The following EPHB1 variants were observed in gnomAD, a reference collection of about 807,000 sequenced individuals.
EPHB1 encodes the protein EPH receptor B1.
EPHB1 carries 30 observed loss-of-function variants against 94.4 expected under a neutral mutation model. The ratio of observed to expected loss-of-function variants is 0.32; its 90% CI spans 0.24 to 0.43. The LOEUF (loss-of-function observed/expected upper bound fraction) is 0.43. Among genes scored for constraint, EPHB1 ranks in the 20% least tolerant of loss-of-function variants. The probability of loss-of-function intolerance (pLI) is 1.00; values close to 1 mark genes in which losing one functional copy is unlikely to be tolerated. For synonymous variants in EPHB1, 522 were observed against 489.1 expected, an observed-to-expected ratio of 1.07 and a Z score of -0.89; for missense variants, 1,055 against 1,308.3, an observed-to-expected ratio of 0.81 and a Z score of 2.99.
intron 3 of EPHB1, among the ~76,000 whole-genome samples, chr3:134,974,127 A>C (rs1254125106): frequency 6.6e-6 from 1 of 152,128 alleles, no homozygotes; most frequent in African/African-American, 2.4e-5. Context: ...GTGGTCTCTG[A>C]CCACACCCTA....
Position 134,857,121 on chromosome 3 carries a change from A to G in EPHB1, c.58+61432A>G, listed in dbSNP as rs141836565. On this transcript the variant is annotated intron_variant, in intron 1 of 15. Transcript: ENST00000398015. ...ATGCCAGAAAACCAGGGGAAGCCAA[A>G]TGAGCCAGCCTTGGGGGGCAGGGAG... 4.5e-3 allele frequency among the ~76,000 whole-genome samples: 686 copies of G among 152,306 alleles called. 6 individuals carry two copies. Among genetic ancestry groups the G allele is most frequent in the African/African-American group, 0.016 (652 of 41,570 alleles).
chr3:135,247,919 G>A (rs1010975408), intron 13 of EPHB1, among the ~76,000 whole-genome samples: 1 of 152,134 alleles, frequency 6.6e-6, no homozygotes, highest in African/African-American at 2.4e-5. Context: ...GGGTTCACTG[G>A]GTTTCCCATG....
chr3:134,932,237 A>G (rs1406962045), intron 2 of EPHB1, among the ~76,000 whole-genome samples: 4 of 152,166 alleles, frequency 2.6e-5, no homozygotes, highest in Non-Finnish European at 5.9e-5. Flanking sequence ...TACGAGCTAC[A>G]TGCCCATGAG....
Position 134,955,071 on chromosome 3 carries a change from CTTTTTTT to C in EPHB1, c.805+3045_805+3051del, listed in dbSNP as rs1197013147. 1.8e-3 allele frequency among the ~76,000 whole-genome samples: 15 copies of C among 8,416 alleles called. No homozygotes were observed. In the East Asian group the frequency reaches 0.024, roughly 13 times the overall value. The allele number at this position is 8,416 out of a possible 152,430, so 5.5% of individuals were successfully genotyped here. A position where few individuals can be genotyped will look rare whatever the true frequency, so the allele number is the denominator to read the frequency against. On this transcript the variant is annotated intron_variant, in intron 3 of 15. Transcript: ENST00000398015. ...CTAAGGCCTGTTCCTGACATCCTTT[CTTTTTTT>C]TTTTTTTTTTTTTTTTTTTTTTTTT...
rs551091756 is a variant in EPHB1, at chr3:134,969,538, A to G, written c.805+17486A>G. On this transcript the variant is annotated intron_variant, in intron 3 of 15. Transcript: ENST00000398015. ...CGCTAGTTTCTGTTTCTGATCTGTG[A>G]TGAAGGCCTTCATTTAAGGAAGACA... is the stretch of plus-strand genomic sequence containing the variant. Among the ~76,000 whole-genome samples, 45 of 152,246 alleles carry G rather than the reference A, an allele frequency of 3.0e-4. 1 individual carries two copies. In the South Asian group the frequency reaches 8.7e-3, roughly 29 times the overall value.
At chr3:135,041,760 T>G (rs1030270169) in intron 3 of EPHB1, among the ~76,000 whole-genome samples, 4 of 152,098 alleles carry the variant, frequency 2.6e-5, no homozygotes, top group Admixed American at 6.5e-5. Flanking sequence ...AAACAAAAAT[T>G]TGTTGACTCA....
chr3:135,238,431 C>T (rs532662071), intron 12 of EPHB1, among the ~76,000 whole-genome samples: 14 of 152,268 alleles, frequency 9.2e-5, no homozygotes, highest in African/African-American at 1.7e-4. Context: ...GGCTCCTTGC[C>T]GTGGGCCAGG....
In EPHB1 at chr3:135,220,783, G is replaced by A. The variant is rs1875373; in HGVS notation, c.2346+19094G>A. On this transcript the variant is annotated intron_variant, in intron 12 of 15. Coordinates refer to ENST00000398015, the MANE Select transcript of EPHB1 (RefSeq NM_004441.5). ...TGTCTGAGTGTTATCTATAAAATGC[G>A]AATTCACAGCCCACTTGTGCCTGAG... 7.3e-3 allele frequency among the ~76,000 whole-genome samples: 1,117 copies of A among 152,160 alleles called. 9 individuals carry two copies. Among genetic ancestry groups the A allele is most frequent in the African/African-American group, 0.025 (1,053 of 41,510 alleles).
chr3:135,103,115 A>T (rs1481386427), intron 3 of EPHB1, among the ~76,000 whole-genome samples: 5 of 152,160 alleles, frequency 3.3e-5, no homozygotes. Context: ...CACGTTCTGC[A>T]CATGTATCCC....
rs1250929225 is a variant in EPHB1 at position 135,077,892 on chromosome 3, G to T, written c.806-28556G>T. Among the ~76,000 whole-genome samples, 3 of 152,320 alleles carry T rather than the reference G, an allele frequency of 2.0e-5. No individual in the cohort carries two copies. The East Asian group carries it at 5.8e-4, about 29-fold the overall frequency. ...AAGGTTGATCTTTGCCATTGGTTTA[G>T]TTATTTACTTCCATGTATAAACAGC... On this transcript the variant is annotated intron_variant, in intron 3 of 15. Coordinates refer to ENST00000398015, the MANE Select transcript of EPHB1 (RefSeq NM_004441.5).
chr3:134,887,662 G>A (rs1293275883), intron 1 of EPHB1, among the ~76,000 whole-genome samples: 1 of 152,198 alleles, frequency 6.6e-6, no homozygotes, highest in Non-Finnish European at 1.5e-5. Context: ...TGTTTGGGGA[G>A]TGATGATAAA....
chr3:134,828,074 G>A (rs1230186164), intron 1 of EPHB1, among the ~76,000 whole-genome samples: 2 of 152,128 alleles, frequency 1.3e-5, no homozygotes, highest in Non-Finnish European at 2.9e-5. Flanking sequence ...TGAACTGCCT[G>A]GTCCATGGGT....
At chr3:135,007,707 C>A (rs558128942) in intron 3 of EPHB1, among the ~76,000 whole-genome samples, 1 of 152,230 alleles carries the variant, frequency 6.6e-6, no homozygotes, top group African/African-American at 2.4e-5. Flanking sequence ...ATAAAGAGCA[C>A]CTTCTCTTGG....
intron 1 of EPHB1, among the ~76,000 whole-genome samples, chr3:134,830,401 T>C (rs1002151159): frequency 1.3e-5 from 2 of 152,250 alleles, no homozygotes; most frequent in East Asian, 1.9e-4. Context: ...CAAAATGATA[T>C]TTCTTCTGAT....
intron 10 of EPHB1, among the ~76,000 whole-genome samples, chr3:135,185,085 T>G (rs1215396079): frequency 6.6e-6 from 1 of 152,244 alleles, no homozygotes; most frequent in Non-Finnish European, 1.5e-5. Flanking sequence ...CATTTGTATT[T>G]TCATGAATAA....
chr3:134,945,475 A>G (rs533596026), intron 2 of EPHB1, among the ~76,000 whole-genome samples: 1 of 152,292 alleles, frequency 6.6e-6, no homozygotes, highest in Non-Finnish European at 1.5e-5. Flanking sequence ...TTATCACTAC[A>G]ATTTTTAAAA....
At chr3:134,972,526 A>G (rs1338887892) in intron 3 of EPHB1, among the ~76,000 whole-genome samples, 1 of 91,992 alleles carries the variant, frequency 1.1e-5, no homozygotes, top group Non-Finnish European at 2.1e-5. Flanking sequence ...TTATATATTT[A>G]TTATAAATAT....
At chr3:135,157,110 A>T (rs893170843) in intron 6 of EPHB1, among the ~76,000 whole-genome samples, 1 of 152,250 alleles carries the variant, frequency 6.6e-6, no homozygotes, top group African/African-American at 2.4e-5. Context: ...TTTTAAAAGG[A>T]AAACAAAGAA....
At position 135,180,030 on chromosome 3, in the gene EPHB1, C is replaced by G; in HGVS notation, c.1882+48C>G. 2 of 1,609,024 alleles carry G rather than the reference C, an allele frequency of 1.2e-6. 1 individual carries two copies. The highest frequency in any genetic ancestry group is 4.5e-5 in the East Asian group (2 of 44,758). ...TTCTGTTCTCCTGGTGTCCAAACAT[C>G]TTCTTTCCACCACCCTAGATGGTCT... is the stretch of plus-strand genomic sequence containing the variant. On this transcript the variant is annotated intron_variant, in intron 10 of 15. Coordinates refer to ENST00000398015, the MANE Select transcript of EPHB1 (RefSeq NM_004441.5).
Sources: gnomAD v4.1 joint callset for allele counts (sites outside exome capture counted in the v4.1 genomes callset) on GRCh38, gnomAD v4.1.1 for gene constraint, MANE v1.5 for transcripts, NCBI Gene and HGNC (gene_info 2026-07-23, HGNC 2026-07-21) for gene names.